TXK: variants seen among roughly 807,000 people sequenced by gnomAD.
TXK encodes TXK tyrosine kinase.
In TXK, 60 loss-of-function variants were observed where a neutral mutation model predicts 81.0. That is an observed-to-expected ratio of 0.74 (90% CI 0.60 to 0.92). The LOEUF is 0.92. Among genes scored for constraint, TXK ranks in the 40% least tolerant of loss-of-function variants. The pLI is 0.00. For missense variants in TXK, 581 were observed against 638.3 expected, an observed-to-expected ratio of 0.91 and a Z score of 0.97; for synonymous variants, 203 against 210.7, an observed-to-expected ratio of 0.96 and a Z score of 0.32.
chr4:48,071,981 T>A (rs1458778524), intron 13 of TXK, among the ~76,000 whole-genome samples: 1 of 135,860 alleles, frequency 7.4e-6, no homozygotes, highest in Non-Finnish European at 1.6e-5. Context: ...TGAGACAGGG[T>A]CTCGCTCTGT....
intron 1 of TXK, among the ~76,000 whole-genome samples, chr4:48,116,918 C>A (rs964571785): frequency 3.3e-5 from 5 of 152,064 alleles, no homozygotes; most frequent in African/African-American, 1.2e-4. Flanking sequence ...AGTCTCACTG[C>A]GTCGGCCAGG....
chr4:48,126,463 T>C (rs1402984123), intron 1 of TXK, among the ~76,000 whole-genome samples: 1 of 152,214 alleles, frequency 6.6e-6, no homozygotes, highest in East Asian at 1.9e-4. Context: ...GGGAACCACC[T>C]TATTCAAGTG....
At chr4:48,116,922 G>C (rs749036219) in intron 1 of TXK, among the ~76,000 whole-genome samples, 1 of 152,044 alleles carries the variant, frequency 6.6e-6, no homozygotes, top group Non-Finnish European at 1.5e-5. Flanking sequence ...TCACTGCGTC[G>C]GCCAGGCTGG....
chr4:48,118,497 G>A (rs553416439), intron 1 of TXK, among the ~76,000 whole-genome samples: 3 of 152,274 alleles, frequency 2.0e-5, no homozygotes, highest in East Asian at 1.9e-4. Flanking sequence ...AAACTAGTAC[G>A]CATGACTGAT....
chr4:48,124,324 C>T (rs1328302147), intron 1 of TXK, among the ~76,000 whole-genome samples: 1 of 152,144 alleles, frequency 6.6e-6, no homozygotes, highest in African/African-American at 2.4e-5. Flanking sequence ...CAAGTGTTTC[C>T]AGGCATTGCC....
At chr4:48,107,694 C>T (rs1234010046) in intron 5 of TXK, among the ~76,000 whole-genome samples, 1 of 151,988 alleles carries the variant, frequency 6.6e-6, no homozygotes, top group African/African-American at 2.4e-5. Flanking sequence ...CTTCCTGATG[C>T]TCTCCCTCCC....
Position 48,110,594 on chromosome 4 carries a change from G to A in TXK, c.390C>T (p.Gly130=), listed in dbSNP as rs140794112. ...WKARDRLGNE[G]LIPSNYVTEN... The stretch of plus-strand genomic sequence containing the variant: ...CAGTCACATAGTTGCTTGGGATTAA[G>A]CCTTCATTCCTACAACAAAAGAAAA... Residue 130 remains glycine (G), a synonymous_variant, in exon 5 of 15, where the codon GGC becomes GGT. Coordinates refer to ENST00000264316, the MANE Select transcript of TXK (RefSeq NM_003328.3). The A allele has an allele frequency of 2.6e-4, 417 of 1,611,856 alleles. 3 individuals carry two copies. In the East Asian group the frequency reaches 9.2e-3, roughly 36 times the overall value.
At chr4:48,081,649 A>C (rs1717304581) in intron 10 of TXK, among the ~76,000 whole-genome samples, 1 of 152,150 alleles carries the variant, frequency 6.6e-6, no homozygotes, top group East Asian at 1.9e-4. Context: ...ATTAAGTTTC[A>C]GGGTTTTAAA....
At chr4:48,118,196 G>A (rs182225552) in intron 1 of TXK, among the ~76,000 whole-genome samples, 49 of 152,272 alleles carry the variant, frequency 3.2e-4, no homozygotes, top group Non-Finnish European at 5.6e-4. Context: ...GAAGTTCTGG[G>A]AGGACTTTAT....
intron 5 of TXK, among the ~76,000 whole-genome samples, chr4:48,105,355 C>A (rs1035773536): frequency 1.3e-5 from 2 of 152,106 alleles, no homozygotes; most frequent in Non-Finnish European, 1.5e-5. Context: ...TTTATAGGTG[C>A]TTTGTTACCC....
intron 1 of TXK, among the ~76,000 whole-genome samples, chr4:48,117,771 TATCCTA>T (rs1718851455): frequency 6.6e-6 from 1 of 152,246 alleles, no homozygotes; most frequent in African/African-American, 2.4e-5. Context: ...GACTTTATTG[TATCCTA>T]CAGGACCCTA....
chr4:48,128,561 CTTTT>C (rs58431850), intron 1 of TXK, among the ~76,000 whole-genome samples: 1 of 85,296 alleles, frequency 1.2e-5, no homozygotes, highest in Non-Finnish European at 2.1e-5. Flanking sequence ...CCACTACATC[CTTTT>C]TTTTTTTTTT....
At chr4:48,091,209 G>A (rs1428256538) in intron 8 of TXK, among the ~76,000 whole-genome samples, 1 of 152,194 alleles carries the variant, frequency 6.6e-6, no homozygotes, top group Non-Finnish European at 1.5e-5. Flanking sequence ...TTCTTTGGGA[G>A]GAAATGACTG....
intron 14 of TXK, 131 bp downstream of exon 14, chr4:48,071,386 C>G: frequency 1.1e-6 from 1 of 908,788 alleles, no homozygotes; most frequent in Non-Finnish European, 1.7e-6. Context: ...ACTTCAGACT[C>G]TCAGGATCAT....
rs190975934 is a variant in TXK, at chr4:48,087,343, C to T, written c.785-706G>A. On this transcript the variant is annotated intron_variant, in intron 9 of 14. Transcript: ENST00000264316. ...CATCTGCTGGAACTTTTGAATAATG[C>T]ATTTAAAAGAATTGTAAAATCTGAT... Among the ~76,000 whole-genome samples, 362 of 152,232 alleles carry T rather than the reference C, an allele frequency of 2.4e-3. 3 individuals carry two copies. The highest frequency in any genetic ancestry group is 3.6e-3 in the Non-Finnish European group (242 of 68,002).
At position 48,097,723 on chromosome 4, in the gene TXK, A is replaced by G. The variant is rs1441500112; in HGVS notation, c.502-2501T>C. 2.0e-5 allele frequency among the ~76,000 whole-genome samples: 3 copies of G among 147,274 alleles called. No individual in the cohort carries two copies. In the Admixed American group the frequency reaches 2.1e-4, roughly 10 times the overall value. ...AGTGCTGGGATTACAGGCGTGAGCC[A>G]CTGCACCCAGCCAAAAGCTACCACA... is the stretch of plus-strand genomic sequence containing the variant. On this transcript the variant is annotated intron_variant, in intron 6 of 14. Coordinates refer to ENST00000264316, the MANE Select transcript of TXK (RefSeq NM_003328.3).
At chr4:48,094,759 TCAG>T (rs1717916495) in intron 7 of TXK, among the ~76,000 whole-genome samples, 1 of 152,142 alleles carries the variant, frequency 6.6e-6, no homozygotes, top group East Asian at 1.9e-4. Context: ...TCAGGCACTT[TCAG>T]CTTAGCCACG....
intron 9 of TXK, among the ~76,000 whole-genome samples, chr4:48,088,338 A>C (rs934768442): frequency 1.3e-5 from 2 of 152,240 alleles, no homozygotes; most frequent in East Asian, 3.8e-4. Context: ...TGGAATGTAA[A>C]TGTGCACTTA....
intron 9 of TXK, chr4:48,089,420 T>A: frequency 6.1e-6 from 1 of 162,768 alleles, no homozygotes; most frequent in Admixed American, 6.3e-5. Context: ...AGACAGAGTC[T>A]CACTCTGCTG....
Sources: gnomAD v4.1 joint callset for allele counts (sites outside exome capture counted in the v4.1 genomes callset) on GRCh38, gnomAD v4.1.1 for gene constraint, MANE v1.5 for transcripts, NCBI Gene and HGNC (gene_info 2026-07-23, HGNC 2026-07-21) for gene names.